ANKRD30B: variants seen among roughly 807,000 people sequenced by gnomAD.
ANKRD30B encodes the protein ankyrin repeat domain 30B, also known as ankyrin repeat domain-containing protein 30B.
A neutral mutation model predicts 202.2 loss-of-function variants in ANKRD30B; 144 were observed. The observed-to-expected ratio is 0.71, with a 90% CI of 0.62 to 0.82. ANKRD30B has a LOEUF of 0.82. Ranked by LOEUF, ANKRD30B falls within the 40% of genes least tolerant of loss-of-function variation. The probability of loss-of-function intolerance (pLI) is 0.00; values close to 1 mark genes in which losing one functional copy is unlikely to be tolerated. For synonymous variants in ANKRD30B, 508 were observed against 561.3 expected (o/e 0.91, Z 1.34); for missense variants, 1,487 against 1,669.1 (o/e 0.89, Z 1.90).
chr18:14,754,020 T>C (rs1913923741), intron 3 of ANKRD30B, among the ~76,000 whole-genome samples: 1 of 152,146 alleles, frequency 6.6e-6, no homozygotes, highest in Admixed American at 6.5e-5. Flanking sequence ...GGATTATCAT[T>C]ATAATTGAGA....
At chr18:14,895,829 GAGA>G in the ANKRD30B span, among the ~76,000 whole-genome samples, 1 of 152,182 alleles carries the variant, frequency 6.6e-6, no homozygotes, top group African/African-American at 2.4e-5. Flanking sequence ...CAAAACTTTA[GAGA>G]TAGTAAGATC....
intron 39 of ANKRD30B, among the ~76,000 whole-genome samples, chr18:14,843,509 T>C (rs1302206231): frequency 6.6e-6 from 1 of 151,580 alleles, no homozygotes; most frequent in Non-Finnish European, 1.5e-5. Context: ...CTGTAGTCAT[T>C]TGAAGCATCC....
At chr18:14,867,610 G>A in the ANKRD30B span, among the ~76,000 whole-genome samples, 1 of 152,188 alleles carries the variant, frequency 6.6e-6, no homozygotes, top group African/African-American at 2.4e-5. Flanking sequence ...GGAGTAGTGG[G>A]CACCACGGGG....
intron 8 of ANKRD30B, among the ~76,000 whole-genome samples, chr18:14,771,902 T>C (rs1298984170): frequency 6.6e-6 from 1 of 152,200 alleles, no homozygotes; most frequent in African/African-American, 2.4e-5. Flanking sequence ...CTTATGGAAC[T>C]AAGAGTCAGT....
chr18:14,781,178 C>T (rs929735588), intron 11 of ANKRD30B, among the ~76,000 whole-genome samples: 2 of 151,972 alleles, frequency 1.3e-5, no homozygotes, highest in African/African-American at 2.4e-5. Flanking sequence ...ACTACTTTTT[C>T]ATTTTATTCA....
downstream of ANKRD30B, among the ~76,000 whole-genome samples, chr18:14,856,342 G>C (rs1972106061): frequency 1.6e-5 from 2 of 122,480 alleles, no homozygotes; most frequent in Admixed American, 7.7e-5. Flanking sequence ...TCACCTCCCA[G>C]ATGGGGCAGC....
intron 6 of ANKRD30B, among the ~76,000 whole-genome samples, chr18:14,763,215 CAGAAATTTTATATCCAAGGTGA>C (rs1375708019): frequency 6.6e-6 from 1 of 152,016 alleles, no homozygotes; most frequent in African/African-American, 2.4e-5. Flanking sequence ...CAGCATGTGT[CAGAAATTTTATATCCAAGGTGA>C]AGAATTAAAG....
intron 3 of ANKRD30B, among the ~76,000 whole-genome samples, chr18:14,753,503 C>T (rs1302226396): frequency 3.9e-5 from 6 of 152,184 alleles, no homozygotes; most frequent in Non-Finnish European, 8.8e-5. Context: ...ACATCACTTA[C>T]TGAACTTACC....
At chr18:14,910,598 GT>G in the ANKRD30B span, among the ~76,000 whole-genome samples, 28 of 150,874 alleles carry the variant, frequency 1.9e-4, no homozygotes, top group East Asian at 3.1e-3. Context: ...ACAAGAGCAA[GT>G]TTTTTTTTGA....
At chr18:14,903,835 A>G in the ANKRD30B span, 1 of 152,280 alleles carries the variant, frequency 6.6e-6, no homozygotes, top group Non-Finnish European at 1.5e-5. Flanking sequence ...GCTCCACCAC[A>G]GAATCCTTAA....
the ANKRD30B span, among the ~76,000 whole-genome samples, chr18:14,940,363 C>A: frequency 6.6e-6 from 1 of 152,248 alleles, no homozygotes; most frequent in Non-Finnish European, 1.5e-5. Context: ...GCTGTGGAGC[C>A]CCCAGAGTGG....
intron 34 of ANKRD30B, among the ~76,000 whole-genome samples, chr18:14,834,585 T>C (rs200576418): frequency 0.012 from 1,521 of 131,178 alleles, no homozygotes; most frequent in Non-Finnish European, 0.015. Flanking sequence ...GAGTGACTTA[T>C]AGCTGATTTT....
intron 6 of ANKRD30B, among the ~76,000 whole-genome samples, chr18:14,763,052 A>AT (rs1324787283): frequency 3.3e-5 from 5 of 151,874 alleles, no homozygotes; most frequent in Admixed American, 3.3e-4. Flanking sequence ...TATCATTGTC[A>AT]TTTTTTATTT....
At chr18:14,920,999 G>C in the ANKRD30B span, among the ~76,000 whole-genome samples, 1 of 152,166 alleles carries the variant, frequency 6.6e-6, no homozygotes, top group African/African-American at 2.4e-5. Context: ...TGGCTCTGTG[G>C]ACAAAGAAAA....
At chr18:14,774,708 G>C (rs546839710) in intron 9 of ANKRD30B, among the ~76,000 whole-genome samples, 3 of 151,938 alleles carry the variant, frequency 2.0e-5, no homozygotes, top group African/African-American at 7.2e-5. Flanking sequence ...TAATACAACT[G>C]TAAATTAGGA....
rs1036800229 is a variant in ANKRD30B at position 14,806,663 on chromosome 18, G to A, written c.2285-1888G>A. Among the ~76,000 whole-genome samples, 22 of 149,014 alleles carry A rather than the reference G, an allele frequency of 1.5e-4. 3 individuals are homozygous for A. Among genetic ancestry groups the A allele is most frequent in the African/African-American group, 4.5e-4 (18 of 40,116 alleles). ...CTAAATGCCAAGTGATAAACGGTTC[G>A]TTGATGATGAGATAGCTCTGAATGT... On this transcript the variant is annotated intron_variant, in intron 24 of 43. Coordinates refer to ENST00000690538, the MANE Select transcript of ANKRD30B (RefSeq NM_001367607.2).
At chr18:14,828,332 A>T in intron 33 of ANKRD30B, 24 bp downstream of exon 33, 13 of 1,498,452 alleles carry the variant, frequency 8.7e-6, no homozygotes, top group Non-Finnish European at 1.2e-5. Flanking sequence ...GTTTTTTAAA[A>T]CGTATATGTT....
the ANKRD30B span, among the ~76,000 whole-genome samples, chr18:14,927,881 C>T: frequency 2.0e-5 from 3 of 152,152 alleles, no homozygotes; most frequent in Non-Finnish European, 4.4e-5. Context: ...GATGTAGGCT[C>T]CACCACACGT....
the ANKRD30B span, chr18:14,890,179 A>AATC: frequency 1.6e-6 from 1 of 633,730 alleles, no homozygotes; most frequent in Admixed American, 2.5e-5. Context: ...TTTCTGTTTT[A>AATC]ATCGGAAGTT....
Sources: gnomAD v4.1 joint callset for allele counts (sites outside exome capture counted in the v4.1 genomes callset) on GRCh38, gnomAD v4.1.1 for gene constraint, MANE v1.5 for transcripts, NCBI Gene and HGNC (gene_info 2026-07-23, HGNC 2026-07-21) for gene names.